Variants in DIDO1 observed in about 807,000 individuals in gnomAD.
DIDO1 encodes death inducer-obliterator 1.
A neutral mutation model predicts 99.4 loss-of-function variants in DIDO1; 16 were observed. That is an observed-to-expected ratio of 0.16 (90% confidence interval 0.11 to 0.24). The LOEUF is 0.24. Among genes scored for constraint, DIDO1 ranks in the 10% least tolerant of loss-of-function variants. DIDO1 has a pLI of 1.00. For synonymous variants in DIDO1, 1,366 were observed against 1,239.1 expected, an observed-to-expected ratio of 1.10 and a Z score of -2.15; for missense variants, 2,996 against 3,014.0, an observed-to-expected ratio of 0.99 and a Z score of 0.14.
At chr20:62,907,640 C>A (rs555132539) in intron 4 of DIDO1, among the ~76,000 whole-genome samples, 5 of 152,208 alleles carry the variant, frequency 3.3e-5, no homozygotes, top group Non-Finnish European at 7.3e-5. Context: ...CGAGGGTGGG[C>A]GGGGCCCACG....
At chr20:62,886,994 T>C (rs1299683364) in intron 15 of DIDO1, among the ~76,000 whole-genome samples, 2 of 152,142 alleles carry the variant, frequency 1.3e-5, no homozygotes, top group Non-Finnish European at 2.9e-5. Flanking sequence ...ACGTCTCAGG[T>C]AAGAGGAGAG....
At chr20:62,904,597 A>G (rs980892918) in intron 6 of DIDO1, among the ~76,000 whole-genome samples, 3 of 152,068 alleles carry the variant, frequency 2.0e-5, no homozygotes, top group Admixed American at 1.3e-4. Context: ...CCTGACCAAC[A>G]TGGTGAAACC....
chr20:62,898,304 GCAGC>G (rs2064583020), intron 6 of DIDO1, among the ~76,000 whole-genome samples: 3 of 152,192 alleles, frequency 2.0e-5, no homozygotes, highest in Admixed American at 2.0e-4. Flanking sequence ...GGCCACGTTG[GCAGC>G]GGGTGCCAGC....
At chr20:62,902,819 C>T (rs556947700) in intron 6 of DIDO1, among the ~76,000 whole-genome samples, 121 of 152,328 alleles carry the variant, frequency 7.9e-4, no homozygotes, top group African/African-American at 2.9e-3. Context: ...TTAGATGAAA[C>T]GAACTGTAGA....
At chr20:62,927,906 G>A (rs775437961), upstream of DIDO1, among the ~76,000 whole-genome samples, 20 of 152,294 alleles carry the variant, frequency 1.3e-4, no homozygotes, top group South Asian at 6.2e-4. Context: ...TTGCAAAGAG[G>A]GCTTTTTGCT....
chr20:62,889,127 G>A (rs2064348358), intron 15 of DIDO1: 1 of 985,416 alleles, frequency 1.0e-6, no homozygotes, highest in Non-Finnish European at 1.2e-6. Flanking sequence ...TGGGTGGTTG[G>A]TGCCATCGCA....
intron 12 of DIDO1, 52 bp downstream of exon 12, chr20:62,893,614 G>A (rs528932133): frequency 2.2e-5 from 33 of 1,500,086 alleles, no homozygotes; most frequent in Admixed American, 4.4e-5. Context: ...CTTTCCTTTC[G>A]TTAATCTAAA....
rs1279252073 is a variant in DIDO1 at position 62,882,170 on chromosome 20, C to T, written c.3786G>A (p.Pro1262=). The T allele has an allele frequency of 5.6e-6, 9 of 1,613,044 alleles. No individual in the cohort carries two copies. The highest frequency in any genetic ancestry group is 6.8e-6 in the Non-Finnish European group (8 of 1,180,010). ...GTGGTTCTGGAAGAGGGGGCGGAGG[C>T]GGCGGCGACCCAGGAGGTGTGGTGC... is the stretch of plus-strand genomic sequence containing the variant. ...AVSTTPPGSP[P]PPPPLPEPPV... The change falls in exon 16 of 16, where the codon CCG becomes CCA. Residue 1262 remains proline (P), a synonymous_variant. Transcript: ENST00000395343.
In DIDO1 at chr20:62,911,395, C is replaced by A; in HGVS notation, c.218G>T (p.Arg73Leu). 2 of 1,612,058 alleles carry A rather than the reference C, an allele frequency of 1.2e-6. No homozygotes were observed. The highest frequency in any genetic ancestry group is 8.5e-7 in the Non-Finnish European group (1 of 1,179,360). Reference protein sequence around the residue: ...RSGRQPKRTERVEQFLTIARR... With the variant: ...RSGRQPKRTELVEQFLTIARR... ...CGCAATGGTCAGGAACTGCTCCACGCGCTCAGTGCGCTTGGGCTGCCTCCC... is the reference window on the plus strand; with the variant it reads ...CGCAATGGTCAGGAACTGCTCCACGAGCTCAGTGCGCTTGGGCTGCCTCCC... Residue 73 changes from arginine to leucine, a missense_variant, in exon 3 of 16, where the codon CGC becomes CTC. Arg to Leu is a moderately radical substitution (Grantham distance 102). Around this residue, in one of 5 missense-constraint regions of DIDO1, gnomAD observed 388 missense variants for 376.6 expected, o/e 1.03. Transcript: ENST00000395343. The surrounding 1 kb of genome is among the most constrained non-coding windows in gnomAD (Gnocchi z 7.0).
rs761221649 is a variant in DIDO1, at chr20:62,880,779, T to G, written c.5177A>C (p.Gln1726Pro). The G allele has an allele frequency of 2.5e-6, 4 of 1,612,666 alleles. No homozygotes were observed. In the East Asian group the frequency reaches 6.7e-5, roughly 27 times the overall value. ...GGCGGTGCCCTCGCCGGGTCTGGCC[T>G]GTGGCTCTCTGTCCCCCTCTGTTTC... is the stretch of plus-strand genomic sequence containing the variant. Reference protein sequence around the residue: ...AGETEGDREPQARPGEGTAPL... With the variant: ...AGETEGDREPPARPGEGTAPL... Residue 1726 changes from glutamine (Q) to proline (P), a missense_variant, in exon 16 of 16, where the codon CAG becomes CCG. Coordinates refer to ENST00000395343, the MANE Select transcript of DIDO1 (RefSeq NM_001193369.2).
intron 1 of DIDO1, among the ~76,000 whole-genome samples, chr20:62,920,719 G>A (rs1369672525): frequency 6.6e-6 from 1 of 152,222 alleles, no homozygotes; most frequent in African/African-American, 2.4e-5. Context: ...CTGAGTATAT[G>A]CTAGAGCATT....
At chr20:62,884,326 A>G (rs1030847671) in intron 15 of DIDO1, among the ~76,000 whole-genome samples, 7 of 152,188 alleles carry the variant, frequency 4.6e-5, no homozygotes, top group African/African-American at 1.7e-4. Context: ...GCCAAAGGGG[A>G]ATATAAAAAC....
intron 15 of DIDO1, chr20:62,888,896 CTTAAG>C (rs2064344608): frequency 5.1e-6 from 5 of 985,340 alleles, no homozygotes; most frequent in Admixed American, 6.1e-5. Context: ...ATACTGAAGT[CTTAAG>C]TTAAAACATT....
At chr20:62,893,002 T>C (rs372102210) in intron 12 of DIDO1, 40 bp from the exon 13 acceptor site, 4 of 1,567,440 alleles carry the variant, frequency 2.6e-6, no homozygotes, top group African/African-American at 2.8e-5. Flanking sequence ...AATGTCTCTC[T>C]GTGCAATGAG....
intron 15 of DIDO1, among the ~76,000 whole-genome samples, chr20:62,885,816 G>C (rs1347771209): frequency 6.6e-6 from 1 of 152,270 alleles, no homozygotes; most frequent in Non-Finnish European, 1.5e-5. Flanking sequence ...CGTGGAAGGA[G>C]CAGTGCACTT....
intron 15 of DIDO1, among the ~76,000 whole-genome samples, chr20:62,884,486 T>C (rs1381991214): frequency 1.3e-5 from 2 of 152,248 alleles, no homozygotes; most frequent in Admixed American, 6.5e-5. Flanking sequence ...GTGCTCACAC[T>C]ACAGATTTTC....
At chr20:62,907,035 T>A in intron 5 of DIDO1, 112 bp downstream of exon 5, 1 of 1,066,884 alleles carries the variant, frequency 9.4e-7, no homozygotes, top group Non-Finnish European at 1.4e-6. Flanking sequence ...ACACCACGTG[T>A]GCGCCCCCCT....
intron 12 of DIDO1, 131 bp from the exon 13 acceptor site, chr20:62,893,093 A>G: frequency 2.0e-6 from 2 of 986,080 alleles, no homozygotes; most frequent in Non-Finnish European, 2.9e-6. Context: ...GTGGTGCAAC[A>G]CAGCTGGCTG....
At position 62,881,183 on chromosome 20, in the gene DIDO1, G is replaced by A. The variant is rs1282647939; in HGVS notation, c.4773C>T (p.Pro1591=). The A allele has an allele frequency of 1.2e-6, 2 of 1,608,130 alleles. No homozygotes were observed. Among genetic ancestry groups the A allele is most frequent in the South Asian group, 1.1e-5 (1 of 90,996 alleles). ...GGCCACCCCTGGAAGCATCTCTCTC[G>A]GGCAGGGCACCCTGGGCACCACGTG... is the stretch of plus-strand genomic sequence containing the variant. ...LSARGAQGAL[P]ERDASRGGLV... is the part of the protein sequence containing the mutation. Residue 1591 remains proline, a synonymous_variant, in exon 16 of 16, where the codon CCC becomes CCT. Coordinates refer to ENST00000395343, the MANE Select transcript of DIDO1 (RefSeq NM_001193369.2). This position sits in a 1 kb window ranked among gnomAD's most constrained non-coding sequence, Gnocchi z 8.3.
Sources: allele counts gnomAD v4.1 joint callset (sites outside exome capture counted in the v4.1 genomes callset), GRCh38; gene constraint gnomAD v4.1.1; regional missense constraint gnomAD v4.1.1; non-coding constraint Gnocchi (gnomAD v3.1); transcripts MANE v1.5; gene names NCBI Gene and HGNC (gene_info 2026-07-23, HGNC 2026-07-21).